CASS4: variants seen among roughly 807,000 people sequenced by gnomAD.
CASS4 encodes Cas scaffold protein family member 4.
CASS4 carries 22 observed loss-of-function variants against 54.2 expected under a neutral mutation model. The observed-to-expected ratio is 0.41, with a 90% CI of 0.29 to 0.58. The LOEUF is 0.58. CASS4 is among the 20% of genes least tolerant of loss of function. CASS4 has a pLI of 0.36. For synonymous variants in CASS4, 409 were observed against 391.5 expected (o/e 1.04, Z -0.53); for missense variants, 854 against 986.7 (o/e 0.87, Z 1.80).
rs552173502 is a variant in CASS4, at chr20:56,454,967, G to A, written c.1953+1838G>A. On this transcript the variant is annotated intron_variant, in intron 5 of 5. Coordinates refer to ENST00000679887, the MANE Select transcript of CASS4 (RefSeq NM_020356.4). ...AGCATTAACCATTACTGAAATGACT[G>A]TAGGGGCTCTGCAAGGTTGTTGTGG... is the stretch of plus-strand genomic sequence containing the variant. 2.0e-5 allele frequency among the ~76,000 whole-genome samples: 3 copies of A among 152,286 alleles called. No homozygotes were observed. The South Asian group carries it at 6.2e-4, about 32-fold the overall frequency.
At chr20:56,429,618 ACACT>A (rs1979810213) in intron 1 of CASS4, among the ~76,000 whole-genome samples, 1 of 151,858 alleles carries the variant, frequency 6.6e-6, no homozygotes, top group African/African-American at 2.4e-5. Context: ...ACATACATAC[ACACT>A]CACTCATACT....
At chr20:56,448,327 TTGAG>T (rs1980826905) in intron 3 of CASS4, among the ~76,000 whole-genome samples, 1 of 152,168 alleles carries the variant, frequency 6.6e-6, no homozygotes, top group African/African-American at 2.4e-5. Context: ...ACTATGATGA[TTGAG>T]TTTTTTGGTG....
intron 2 of CASS4, among the ~76,000 whole-genome samples, chr20:56,439,088 A>G (rs1036655613): frequency 1.3e-5 from 2 of 152,238 alleles, no homozygotes; most frequent in African/African-American, 4.8e-5. Flanking sequence ...TGCTCAATAC[A>G]TATCTGACAA....
At chr20:56,432,565 AC>A (rs1374386470) in intron 1 of CASS4, among the ~76,000 whole-genome samples, 2 of 151,842 alleles carry the variant, frequency 1.3e-5, no homozygotes, top group African/African-American at 4.8e-5. Context: ...ACGGGGTTTC[AC>A]CATGTTGGCC....
chr20:56,414,149 C>T lies in CASS4; in HGVS notation c.36+1655C>T, dbSNP rs571907952. On this transcript the variant is annotated intron_variant, in intron 1 of 5. Coordinates refer to ENST00000679887, the MANE Select transcript of CASS4 (RefSeq NM_020356.4). This position sits in a 1 kb window ranked among gnomAD's most constrained non-coding sequence, Gnocchi z 4.1. ...CCTTTCTACTATTCAGTCTAATTCACGTTGATTTAATAATGCCATTCTACT... is the reference window on the plus strand; with the variant it reads ...CCTTTCTACTATTCAGTCTAATTCATGTTGATTTAATAATGCCATTCTACT... Among the ~76,000 whole-genome samples the T allele has an allele frequency of 3.8e-4, 58 of 152,162 alleles. No homozygotes were observed. Among genetic ancestry groups the T allele is most frequent in the Non-Finnish European group, 5.9e-4 (40 of 68,040 alleles).
At position 56,458,767 on chromosome 20, in the gene CASS4, C is replaced by G. The variant is rs376536924; in HGVS notation, c.*20C>G. ...GGATGAGGACTGTCTACCTCCCTTC[C>G]TCCTCTGCTCACCTCTCAGCTTCAC... On this transcript the variant is annotated 3_prime_UTR_variant, in exon 6 of 6. Transcript: ENST00000679887. 3.2e-6 allele frequency: 5 copies of G among 1,564,620 alleles called. No homozygotes were observed. Among genetic ancestry groups the G allele is most frequent in the Non-Finnish European group, 4.3e-6 (5 of 1,151,088 alleles).
intron 5 of CASS4, among the ~76,000 whole-genome samples, chr20:56,457,611 C>G (rs558031005): frequency 1.3e-5 from 2 of 152,160 alleles, no homozygotes; most frequent in South Asian, 4.1e-4. Flanking sequence ...GTTGAGAGTT[C>G]TGATATATCT....
Position 56,412,616 on chromosome 20 carries a change from G to A in CASS4, c.36+122G>A, listed in dbSNP as rs1889585212. On this transcript the variant is annotated intron_variant, in intron 1 of 5. Coordinates refer to ENST00000679887, the MANE Select transcript of CASS4 (RefSeq NM_020356.4). This position sits in a 1 kb window ranked among gnomAD's most constrained non-coding sequence, Gnocchi z 4.2. ...GTTGAATACCAGTGACGTGTGAGTTGGAGATGGGAAAGTTTAACATAAGTT... is the reference window on the plus strand; with the variant it reads ...GTTGAATACCAGTGACGTGTGAGTTAGAGATGGGAAAGTTTAACATAAGTT... The A allele has an allele frequency of 2.0e-6, 2 of 1,000,704 alleles. No individual in the cohort carries two copies. The highest frequency in any genetic ancestry group is 1.5e-5 in the South Asian group (1 of 66,578). 62.0% of individuals were successfully genotyped at this position (1,000,704 alleles called of 1,614,324 possible).
chr20:56,447,785 C>A (rs865825599), intron 3 of CASS4, among the ~76,000 whole-genome samples: 1 of 152,250 alleles, frequency 6.6e-6, no homozygotes, highest in African/African-American at 2.4e-5. Flanking sequence ...TGGTCCATGA[C>A]AAACACACAA....
At chr20:56,449,665 T>TAATAA (rs1054926209) in intron 3 of CASS4, among the ~76,000 whole-genome samples, 184 of 151,500 alleles carry the variant, frequency 1.2e-3, no homozygotes, top group African/African-American at 3.7e-3. Context: ...AATAAATAAA[T>TAATAA]AATAAAATAA....
Position 56,458,578 on chromosome 20 carries a change from A to G in CASS4, c.2192A>G (p.Asn731Ser). 1 of 1,613,986 alleles carries G rather than the reference A, an allele frequency of 6.2e-7. No homozygotes were observed. The highest frequency in any genetic ancestry group is 8.5e-7 in the Non-Finnish European group (1 of 1,179,940). The change falls in exon 6 of 6, where the codon AAC becomes AGC. Residue 731 changes from asparagine (N) to serine (S), a missense_variant. Physicochemically the swap from Asn to Ser is conservative, Grantham distance 46. Coordinates refer to ENST00000679887, the MANE Select transcript of CASS4 (RefSeq NM_020356.4). ...GAGACCCAGGAGAGGGACGTGCGCA[A>G]CGAGATCCTCCGTGGCAGCAGTCAC... ...CMETQERDVR[N>S]EILRGSSHLC...
At chr20:56,420,108 A>G (rs1423853135) in intron 1 of CASS4, among the ~76,000 whole-genome samples, 1 of 152,182 alleles carries the variant, frequency 6.6e-6, no homozygotes, top group Non-Finnish European at 1.5e-5. Context: ...AAAGTTATTC[A>G]CAGGCAATTT....
intron 1 of CASS4, among the ~76,000 whole-genome samples, chr20:56,426,590 C>G (rs182089980): frequency 8.1e-4 from 123 of 152,094 alleles, no homozygotes; most frequent in African/African-American, 2.8e-3. Flanking sequence ...CCCCCTCCCC[C>G]GCCAAGACAA....
Position 56,437,616 on chromosome 20 carries a change from G to T in CASS4, c.459+30G>T. ...GCATACTTCCACCTACTAGACATGG[G>T]TTGAGGGGTATGGAAACACCCAGAG... On this transcript the variant is annotated intron_variant, in intron 2 of 5. Coordinates refer to ENST00000679887, the MANE Select transcript of CASS4 (RefSeq NM_020356.4). This position sits in a 1 kb window ranked among gnomAD's most constrained non-coding sequence, Gnocchi z 4.7. 6.6e-7 allele frequency: 1 copy of T among 1,507,110 alleles called. No homozygotes were observed. Among genetic ancestry groups the T allele is most frequent in the Non-Finnish European group, 8.9e-7 (1 of 1,126,284 alleles). The allele number at this position is 1,507,110 out of a possible 1,614,324, so 93.4% of individuals were successfully genotyped here.
rs1179683909 is a variant in CASS4, at chr20:56,446,011, G to C, written c.561+10G>C. 1.9e-6 allele frequency: 3 copies of C among 1,593,212 alleles called. No homozygotes were observed. In the African/African-American group the frequency reaches 4.2e-5, roughly 22 times the overall value. On this transcript the variant is annotated intron_variant, in intron 3 of 5. Coordinates refer to ENST00000679887, the MANE Select transcript of CASS4 (RefSeq NM_020356.4). ...CCCCGTGGTCCTGAAGGTGAGCCTTGTTCAGGGGCCCCTCATCACCCAGAC... is the reference window on the plus strand; with the variant it reads ...CCCCGTGGTCCTGAAGGTGAGCCTTCTTCAGGGGCCCCTCATCACCCAGAC...
intron 1 of CASS4, among the ~76,000 whole-genome samples, chr20:56,415,740 G>A (rs188447223): frequency 8.5e-5 from 13 of 152,228 alleles, no homozygotes; most frequent in Non-Finnish European, 1.6e-4. Context: ...CCTGAAGTTC[G>A]CCTTTGTACA....
In CASS4 at chr20:56,460,322, G is replaced by T. The variant is rs970600116; in HGVS notation, c.*1575G>T. ...GCGGTTTTTGCCGTAGACAGTAATG[G>T]CAAAAACCACAATTGCTTTTGCACC... On this transcript the variant is annotated 3_prime_UTR_variant, in exon 6 of 6. Coordinates refer to ENST00000679887, the MANE Select transcript of CASS4 (RefSeq NM_020356.4). 1 of 152,038 alleles carries T rather than the reference G, an allele frequency of 6.6e-6. No homozygotes were observed. The highest frequency in any genetic ancestry group is 1.5e-5 in the Non-Finnish European group (1 of 67,904). 9.4% of individuals were successfully genotyped at this position (152,038 alleles called of 1,614,324 possible).
At position 56,459,810 on chromosome 20, in the gene CASS4, G is replaced by A. The variant is rs117271682; in HGVS notation, c.*1063G>A. On this transcript the variant is annotated 3_prime_UTR_variant, in exon 6 of 6. Coordinates refer to ENST00000679887, the MANE Select transcript of CASS4 (RefSeq NM_020356.4). ...TCACTCATTTAACACTTATGTATTG[G>A]ATGCCTACTACATGCCAAGTTCTAG... The A allele has an allele frequency of 5.8e-3, 889 of 152,384 alleles. 1 individual carries two copies. The highest frequency in any genetic ancestry group is 7.9e-3 in the Non-Finnish European group (541 of 68,180). 9.4% of individuals were successfully genotyped at this position (152,384 alleles called of 1,614,324 possible). A position where few individuals can be genotyped will look rare whatever the true frequency, so the allele number is the denominator to read the frequency against.
At chr20:56,416,008 T>A (rs1227944073) in intron 1 of CASS4, among the ~76,000 whole-genome samples, 2 of 152,242 alleles carry the variant, frequency 1.3e-5, no homozygotes, top group African/African-American at 2.4e-5. Flanking sequence ...TGTGGAACTC[T>A]AGCCAACTAG....
Sources: allele counts gnomAD v4.1 joint callset (sites outside exome capture counted in the v4.1 genomes callset), GRCh38; gene constraint gnomAD v4.1.1; non-coding constraint Gnocchi (gnomAD v3.1); transcripts MANE v1.5; gene names NCBI Gene and HGNC (gene_info 2026-07-23, HGNC 2026-07-21).